The following SLC5A12 variants were observed in gnomAD, a reference collection of about 807,000 sequenced individuals.
The protein encoded by SLC5A12 is sodium-coupled monocarboxylate transporter 2.
Under a neutral mutation model 72.7 loss-of-function variants are expected in SLC5A12, and 46 were observed. The ratio of observed to expected loss-of-function variants is 0.63; its 90% CI spans 0.50 to 0.81. The LOEUF is 0.81. SLC5A12 is among the 30% of genes least tolerant of loss of function. The pLI is 0.00. For synonymous variants in SLC5A12, 275 were observed against 264.4 expected (o/e 1.04, Z -0.39); for missense variants, 683 against 740.7 (o/e 0.92, Z 0.90).
chr11:26,684,373 T>A (rs549884419), intron 10 of SLC5A12, among the ~76,000 whole-genome samples: 2 of 152,166 alleles, frequency 1.3e-5, no homozygotes, highest in Non-Finnish European at 2.9e-5. Flanking sequence ...CTGCTGACGA[T>A]AGCATTAATT....
intron 10 of SLC5A12, among the ~76,000 whole-genome samples, chr11:26,686,029 A>G (rs1196544885): frequency 1.3e-5 from 2 of 152,206 alleles, no homozygotes; most frequent in African/African-American, 2.4e-5. Flanking sequence ...CATTAATTAT[A>G]CTACCTTTAA....
intron 13 of SLC5A12, among the ~76,000 whole-genome samples, chr11:26,676,359 CAAA>C (rs57064388): frequency 1.8e-5 from 2 of 108,870 alleles, no homozygotes; most frequent in Non-Finnish European, 4.0e-5. Context: ...TTCTAGAAAA[CAAA>C]AAAAAAAAAA....
chr11:26,696,920 A>C (rs1854830357), intron 8 of SLC5A12, among the ~76,000 whole-genome samples: 1 of 152,188 alleles, frequency 6.6e-6, no homozygotes. Context: ...CAGCCCCTGC[A>C]GTTTACTAAC....
intron 8 of SLC5A12, among the ~76,000 whole-genome samples, chr11:26,695,630 A>T (rs79343993): frequency 0.034 from 5,184 of 152,248 alleles, 286 homozygotes; most frequent in African/African-American, 0.11. Flanking sequence ...TGAGAAAAAA[A>T]GTCCTTAACC....
At chr11:26,707,300 C>A (rs1357462760) in intron 4 of SLC5A12, among the ~76,000 whole-genome samples, 1 of 151,868 alleles carries the variant, frequency 6.6e-6, no homozygotes, top group East Asian at 1.9e-4. Context: ...TAAACGTATT[C>A]TTTTTCTTTC....
At chr11:26,692,334 CT>C (rs781473690) in intron 9 of SLC5A12, 154 bp downstream of exon 9, 46 of 612,290 alleles carry the variant, frequency 7.5e-5, no homozygotes, top group Middle Eastern at 3.3e-4. Context: ...CCTGCTGGAT[CT>C]TTGGAAGTGT....
At chr11:26,692,680 A>T (rs1368094553) in intron 8 of SLC5A12, 79 bp from the exon 9 acceptor site, 3 of 926,682 alleles carry the variant, frequency 3.2e-6, no homozygotes, top group Non-Finnish European at 5.2e-6. Flanking sequence ...TCCAGGGCAG[A>T]TAGATAAGGC....
intron 1 of SLC5A12, among the ~76,000 whole-genome samples, chr11:26,719,717 T>A (rs1054039203): frequency 2.0e-5 from 3 of 152,196 alleles, no homozygotes; most frequent in African/African-American, 7.2e-5. Context: ...CATTTAGACG[T>A]CTTATTTTAC....
intron 11 of SLC5A12, among the ~76,000 whole-genome samples, chr11:26,683,245 G>A (rs1487870519): frequency 6.6e-6 from 1 of 152,008 alleles, no homozygotes; most frequent in African/African-American, 2.4e-5. Context: ...ACATTTACTT[G>A]AAGACATACT....
At chr11:26,709,680 C>T (rs971287000) in intron 3 of SLC5A12, among the ~76,000 whole-genome samples, 1 of 151,912 alleles carries the variant, frequency 6.6e-6, no homozygotes, top group African/African-American at 2.4e-5. Context: ...TTTTTCTCAA[C>T]AAAGTTAGTC....
At chr11:26,709,732 A>T (rs1418100053) in intron 3 of SLC5A12, among the ~76,000 whole-genome samples, 1 of 152,094 alleles carries the variant, frequency 6.6e-6, no homozygotes, top group African/African-American at 2.4e-5. Context: ...ATGAGCAGGG[A>T]TATAAAAGGA....
chr11:26,695,302 A>T (rs2133177670), intron 8 of SLC5A12, among the ~76,000 whole-genome samples: 1 of 152,242 alleles, frequency 6.6e-6, no homozygotes, highest in Admixed American at 6.5e-5. Context: ...TAAAAGTAAT[A>T]TTTCAAGTCA....
At chr11:26,674,870 T>A (rs1854230615) in intron 13 of SLC5A12, among the ~76,000 whole-genome samples, 1 of 152,214 alleles carries the variant, frequency 6.6e-6, no homozygotes, top group Non-Finnish European at 1.5e-5. Flanking sequence ...TTTACATAGA[T>A]TATCACTAAT....
chr11:26,706,203 G>A (rs182519567), intron 4 of SLC5A12, among the ~76,000 whole-genome samples: 129 of 152,102 alleles, frequency 8.5e-4, no homozygotes, highest in African/African-American at 2.9e-3. Context: ...CTAATTTGAC[G>A]AGAGAGAAGA....
chr11:26,697,353 G>A (rs1854846200), intron 7 of SLC5A12, 101 bp from the exon 8 acceptor site: 11 of 1,024,232 alleles, frequency 1.1e-5, no homozygotes. Flanking sequence ...CTTCTCATCA[G>A]TGTTTGAAAT....
rs1565179647 is a variant in SLC5A12, at chr11:26,669,223, C to CTA, written c.*1878_*1879insTA. On this transcript the variant is annotated 3_prime_UTR_variant, in exon 15 of 15. Transcript: ENST00000396005. ...TCTTTCTTTCTTTCTTTCTTTCTCTCTCTCCCTCCCTCTTTCTTTCTCTCT... is the reference window on the plus strand; with the variant it reads ...TCTTTCTTTCTTTCTTTCTTTCTCTCTATCTCCCTCCCTCTTTCTTTCTCTCT... 1 of 89,406 alleles carries CTA rather than the reference C, an allele frequency of 1.1e-5. No individual in the cohort carries two copies. Among genetic ancestry groups the CTA allele is most frequent in the African/African-American group, 4.6e-5 (1 of 21,638 alleles). The allele number at this position is 89,406 out of a possible 1,614,324, so 5.5% of individuals were successfully genotyped here. A position where few individuals can be genotyped will look rare whatever the true frequency, so the allele number is the denominator to read the frequency against.
chr11:26,721,424 CT>C lies in SLC5A12; in HGVS notation c.290del (p.Glu97GlyfsTer57). 6.2e-7 allele frequency: 1 copy of C among 1,614,068 alleles called. No homozygotes were observed. The highest frequency in any genetic ancestry group is 8.5e-7 in the Non-Finnish European group (1 of 1,179,982). On this transcript the variant is annotated frameshift_variant, in exon 1 of 15. Coordinates refer to ENST00000396005, the MANE Select transcript of SLC5A12 (RefSeq NM_178498.4). LOFTEE classifies it high-confidence loss of function. Reference sequence around the variant, plus strand: ...ATCTGTAGAACACAGGGAGAAAGAGCTCTGATGTTAAGAGGATGACAAATAG... The same window carrying C: ...ATCTGTAGAACACAGGGAGAAAGAGCCTGATGTTAAGAGGATGACAAATAG... ...AYLFVILLTS[E>X]LFLPVFYRSG...
At chr11:26,671,618 A>C (rs1236454942) in intron 14 of SLC5A12, among the ~76,000 whole-genome samples, 1 of 152,054 alleles carries the variant, frequency 6.6e-6, no homozygotes, top group African/African-American at 2.4e-5. Flanking sequence ...TGGGAATAGG[A>C]GAGTCTGCTG....
chr11:26,720,599 C>A lies in SLC5A12; in HGVS notation c.339+777G>T, dbSNP rs555420889. Among the ~76,000 whole-genome samples, 4 of 152,100 alleles carry A rather than the reference C, an allele frequency of 2.6e-5. No individual in the cohort carries two copies. In the East Asian group the frequency reaches 7.7e-4, roughly 29 times the overall value. ...AAATAGGTCTCTTTTCAGTCTCCTGCAGTGACTTTAGGAATGATATTGGAT... is the reference window on the plus strand; with the variant it reads ...AAATAGGTCTCTTTTCAGTCTCCTGAAGTGACTTTAGGAATGATATTGGAT... On this transcript the variant is annotated intron_variant, in intron 1 of 14. Transcript: ENST00000396005.
Sources: allele counts gnomAD v4.1 joint callset (sites outside exome capture counted in the v4.1 genomes callset), GRCh38; gene constraint gnomAD v4.1.1; transcripts MANE v1.5; gene names NCBI Gene and HGNC (gene_info 2026-07-23, HGNC 2026-07-21).